CR1: variants seen among roughly 807,000 people sequenced by gnomAD.
The protein encoded by CR1 is complement C3b/C4b receptor 1 (Knops blood group), also known as complement receptor type 1.
Under a neutral mutation model 187.3 loss-of-function variants are expected in CR1, and 116 were observed. That is an observed-to-expected ratio of 0.62 (90% confidence interval 0.53 to 0.72). The LOEUF is 0.72. Among genes scored for constraint, CR1 ranks in the 30% least tolerant of loss-of-function variants. The probability of loss-of-function intolerance (pLI) is 0.00; values close to 1 mark genes in which losing one functional copy is unlikely to be tolerated. For synonymous variants in CR1, 576 were observed against 747.1 expected (o/e 0.77, Z 3.73); for missense variants, 1,731 against 2,110.7 (o/e 0.82, Z 3.52).
At chr1:207,597,799 T>C (rs968328190) in intron 35 of CR1, among the ~76,000 whole-genome samples, 1 of 152,148 alleles carries the variant, frequency 6.6e-6, no homozygotes, top group South Asian at 2.1e-4. Flanking sequence ...CAAATACCAA[T>C]GTCCGTAGCA....
intron 29 of CR1, among the ~76,000 whole-genome samples, chr1:207,578,870 T>G (rs559429239): frequency 6.6e-6 from 1 of 152,344 alleles, no homozygotes; most frequent in East Asian, 1.9e-4. Context: ...TTTATTTTAT[T>G]TAAAAACTAT....
chr1:207,630,349 A>G (rs990235193), intron 45 of CR1, among the ~76,000 whole-genome samples, 168 bp from the exon 46 acceptor site: 11 of 152,242 alleles, frequency 7.2e-5, no homozygotes, highest in African/African-American at 2.4e-4. Context: ...TTTGCTTAGT[A>G]TTAAAAGATG....
chr1:207,502,973 A>C (rs749184203), intron 1 of CR1, among the ~76,000 whole-genome samples: 1 of 152,232 alleles, frequency 6.6e-6, no homozygotes, highest in Admixed American at 6.5e-5. Context: ...CCGACAGCAT[A>C]GGCTCATTCC....
intron 3 of CR1, among the ~76,000 whole-genome samples, chr1:207,508,277 A>C (rs1659506463): frequency 6.6e-6 from 1 of 152,248 alleles, no homozygotes; most frequent in Admixed American, 6.5e-5. Context: ...AGTGGACCCT[A>C]ACATAAACTA....
intron 4 of CR1, among the ~76,000 whole-genome samples, chr1:207,519,984 A>T (rs1033986831): frequency 7.9e-5 from 12 of 152,234 alleles, no homozygotes; most frequent in African/African-American, 2.9e-4. Context: ...GGCTGAGCTT[A>T]AACTACGTAA....
At chr1:207,524,093 G>A (rs1159541997) in intron 5 of CR1, 84 bp downstream of exon 5, 2 of 1,611,056 alleles carry the variant, frequency 1.2e-6, no homozygotes, top group Admixed American at 1.7e-5. Flanking sequence ...TTCAGGGGGA[G>A]GGATGTGTGC....
At chr1:207,565,171 A>G (rs1187448243) in intron 23 of CR1, among the ~76,000 whole-genome samples, 1 of 150,136 alleles carries the variant, frequency 6.7e-6, no homozygotes, top group South Asian at 2.1e-4. Context: ...ACCTGATCCC[A>G]TAATGTAACA....
intron 4 of CR1, among the ~76,000 whole-genome samples, chr1:207,520,824 C>T (rs1659953038): frequency 6.6e-6 from 1 of 152,014 alleles, no homozygotes; most frequent in Admixed American, 6.6e-5. Flanking sequence ...AAGTGTGGTT[C>T]CTCTGAAGGT....
At chr1:207,513,887 G>A (rs1659705890) in intron 4 of CR1, among the ~76,000 whole-genome samples, 1 of 151,562 alleles carries the variant, frequency 6.6e-6, no homozygotes, top group Non-Finnish European at 1.5e-5. Context: ...AGCAATAGAT[G>A]TCATCCTTGT....
In CR1 at chr1:207,618,064, T is replaced by G. The variant is rs1475610925; in HGVS notation, c.6890-7T>G. ...TTTCTTGTGTTTGTGTGGGAACTTG[T>G]TCTTAGCCTGCCCACATCCACCCAA... is the stretch of plus-strand genomic sequence containing the variant. On this transcript the variant is annotated splice_region_variant and splice_polypyrimidine_tract_variant and intron_variant, in intron 41 of 46. Coordinates refer to ENST00000367049, the MANE Select transcript of CR1 (RefSeq NM_000651.6). 1 of 1,611,542 alleles carries G rather than the reference T, an allele frequency of 6.2e-7. No homozygotes were observed. Among genetic ancestry groups the G allele is most frequent in the African/African-American group, 1.3e-5 (1 of 74,854 alleles).
At chr1:207,618,994 C>T (rs556765500) in intron 42 of CR1, among the ~76,000 whole-genome samples, 7 of 144,342 alleles carry the variant, frequency 4.8e-5, no homozygotes, top group Non-Finnish European at 7.5e-5. Context: ...GCTGAGATCA[C>T]GCCACTGCAC....
At chr1:207,613,913 A>G (rs1272554458) in intron 39 of CR1, among the ~76,000 whole-genome samples, 1 of 151,928 alleles carries the variant, frequency 6.6e-6, no homozygotes, top group Non-Finnish European at 1.5e-5. Flanking sequence ...GGCCTGTTAC[A>G]GTTGTAGTAG....
At chr1:207,576,333 G>A (rs1660742224) in intron 28 of CR1, among the ~76,000 whole-genome samples, 1 of 152,190 alleles carries the variant, frequency 6.6e-6, no homozygotes, top group Non-Finnish European at 1.5e-5. Context: ...AGTAGAGTAG[G>A]ACACAGTATT....
At chr1:207,623,115 C>A (rs757258014) in intron 45 of CR1, 47 bp downstream of exon 45, 95 of 1,324,474 alleles carry the variant, frequency 7.2e-5, no homozygotes, top group East Asian at 6.4e-4. Flanking sequence ...GTACTTACCC[C>A]CTCTTGGAAG....
intron 3 of CR1, among the ~76,000 whole-genome samples, chr1:207,510,827 CT>C (rs111843016): frequency 0.065 from 8,501 of 130,574 alleles, 277 homozygotes; most frequent in South Asian, 0.082. Context: ...TTTTTACTTT[CT>C]TTTTTTTTTT....
chr1:207,516,811 G>A (rs1320644308), intron 4 of CR1, among the ~76,000 whole-genome samples: 1 of 151,992 alleles, frequency 6.6e-6, no homozygotes, highest in African/African-American at 2.4e-5. Flanking sequence ...CAGCAAATTT[G>A]TTAAATTTAC....
intron 42 of CR1, 112 bp from the exon 43 acceptor site, chr1:207,619,768 C>T (rs1662260418): frequency 2.4e-6 from 2 of 816,702 alleles, no homozygotes; most frequent in Non-Finnish European, 3.9e-6. Flanking sequence ...TAAAAACATG[C>T]TTCCTCTTAG....
At chr1:207,599,758 A>T (rs1321796768) in intron 35 of CR1, among the ~76,000 whole-genome samples, 1 of 152,230 alleles carries the variant, frequency 6.6e-6, no homozygotes, top group East Asian at 1.9e-4. Context: ...TGGAAAAATA[A>T]TGACAAATTT....
At position 207,615,562 on chromosome 1, in the gene CR1, G is replaced by A. The variant is rs200452238; in HGVS notation, c.6662-1013G>A. ...TAAAAGTACATGTTTGACATACCAAGACATTACTGATTGATTCTATTCTGT... is the reference window on the plus strand; with the variant it reads ...TAAAAGTACATGTTTGACATACCAAAACATTACTGATTGATTCTATTCTGT... On this transcript the variant is annotated intron_variant, in intron 40 of 46. Transcript: ENST00000367049. 3.3e-5 allele frequency among the ~76,000 whole-genome samples: 5 copies of A among 152,252 alleles called. No individual in the cohort carries two copies. In the East Asian group the frequency reaches 9.6e-4, roughly 29 times the overall value.
Sources: allele counts gnomAD v4.1 joint callset (sites outside exome capture counted in the v4.1 genomes callset), GRCh38; gene constraint gnomAD v4.1.1; transcripts MANE v1.5; gene names NCBI Gene and HGNC (gene_info 2026-07-23, HGNC 2026-07-21).